Variants in RFPL2 observed in about 807,000 individuals in gnomAD.
RFPL2 encodes ret finger protein-like 2.
A neutral mutation model predicts 17.8 loss-of-function variants in RFPL2; 13 were observed. That is an observed-to-expected ratio of 0.73 (90% CI 0.47 to 1.16). RFPL2 has a LOEUF of 1.16. RFPL2 is among the 50% of genes most tolerant of loss of function. The probability of loss-of-function intolerance (pLI) is 0.00; values close to 1 mark genes in which losing one functional copy is unlikely to be tolerated. For missense variants in RFPL2, 431 were observed against 479.3 expected (o/e 0.90, Z 0.94); for synonymous variants, 189 against 180.9 (o/e 1.04, Z -0.36).
intron 2 of RFPL2, 149 bp from the exon 3 acceptor site, chr22:32,194,639 T>G (rs1923130591): frequency 5.3e-6 from 4 of 750,450 alleles, no homozygotes; most frequent in Admixed American, 5.7e-5. Context: ...TTAGGCTTAA[T>G]GTACTAACTT....
At chr22:32,193,433 C>G in intron 3 of RFPL2, 1 of 1,476,324 alleles carries the variant, frequency 6.8e-7, no homozygotes, top group Non-Finnish European at 9.0e-7. Flanking sequence ...GAGGAAGCGT[C>G]CATTCTCCTG....
intron 2 of RFPL2, among the ~76,000 whole-genome samples, chr22:32,201,641 C>G (rs953722188): frequency 6.6e-6 from 1 of 152,170 alleles, no homozygotes; most frequent in African/African-American, 2.4e-5. Context: ...TCCTGGGTCT[C>G]GGGTGGAAAA....
intron 2 of RFPL2, chr22:32,199,969 G>A (rs144927711): frequency 0.026 from 14,077 of 536,272 alleles, 286 homozygotes; most frequent in Admixed American, 0.068. Context: ...CTCCTCTGAG[G>A]AGCTCCAAGC....
intron 1 of RFPL2, 181 bp from the exon 2 acceptor site, chr22:32,202,731 G>T: frequency 1.7e-6 from 2 of 1,199,846 alleles, no homozygotes; most frequent in Non-Finnish European, 2.1e-6. Flanking sequence ...ACAGTGCCCG[G>T]GCTTCCCACT....
chr22:32,190,845 C>T lies in RFPL2; in HGVS notation c.1064G>A (p.Gly355Asp). Residue 355 changes from glycine (G) to aspartate (D), a missense_variant, in exon 5 of 5, where the codon GGT becomes GAT. Gly to Asp is a moderately conservative substitution (Grantham distance 94). Coordinates refer to ENST00000652607, the MANE Select transcript of RFPL2 (RefSeq NM_001394555.1). ...CATCAAAGGACAGATGCTCAAGACA[C>T]CTTGATCACCATTAGGTGGAACTGA... ...APSVPPNGDQ[G>D]VLSICPLMNS... 6.4e-7 allele frequency: 1 copy of T among 1,574,720 alleles called. No individual in the cohort carries two copies. Among genetic ancestry groups the T allele is most frequent in the Non-Finnish European group, 8.6e-7 (1 of 1,159,586 alleles).
rs1054234754 is a variant in RFPL2, at chr22:32,202,446, C to G, written c.6G>C (p.Glu2Asp). ...TCTCTGGGAAGCCTAATTCAGCCACCTCCATCGGAGGCAAATCATGGTGCC... is the reference window on the plus strand; with the variant it reads ...TCTCTGGGAAGCCTAATTCAGCCACGTCCATCGGAGGCAAATCATGGTGCC... M[E>D]VAELGFPETA... Residue 2 changes from glutamate (E) to aspartate (D), a missense_variant, in exon 2 of 5, where the codon GAG becomes GAC. By Grantham distance (45) the Glu-to-Asp change is conservative. Coordinates refer to ENST00000652607, the MANE Select transcript of RFPL2 (RefSeq NM_001394555.1). The G allele has an allele frequency of 6.3e-7, 1 of 1,590,706 alleles. No homozygotes were observed.
intron 2 of RFPL2, among the ~76,000 whole-genome samples, chr22:32,195,411 T>C (rs867345531): frequency 1.3e-5 from 2 of 152,328 alleles, no homozygotes; most frequent in Middle Eastern, 3.4e-3. Flanking sequence ...GCATGTATAA[T>C]AATCAAGTCA....
At chr22:32,203,087 C>G in intron 1 of RFPL2, 4 of 985,844 alleles carry the variant, frequency 4.1e-6, no homozygotes, top group Non-Finnish European at 4.8e-6. Context: ...CTGTCACTGA[C>G]ACCTCCACCG....
rs1335332915 is a variant in RFPL2 at position 32,191,757 on chromosome 22, A to G, written c.557-405T>C. On this transcript the variant is annotated intron_variant, in intron 4 of 4. Coordinates refer to ENST00000652607, the MANE Select transcript of RFPL2 (RefSeq NM_001394555.1). ...ATTTTTTTGCTTCAATTTAAATAGT[A>G]TCTAGAGCATGAGTCCAGGCCTTTG... Among the ~76,000 whole-genome samples the G allele has an allele frequency of 3.3e-5, 5 of 152,344 alleles. No individual in the cohort carries two copies. The South Asian group carries it at 1.0e-3, about 32-fold the overall frequency.
chr22:32,200,652 C>A (rs1041214201), intron 2 of RFPL2, among the ~76,000 whole-genome samples: 4 of 152,110 alleles, frequency 2.6e-5, no homozygotes, highest in African/African-American at 7.2e-5. Flanking sequence ...GCTGAACCTT[C>A]AGATGCACCC....
intron 4 of RFPL2, among the ~76,000 whole-genome samples, 166 bp from the exon 5 acceptor site, chr22:32,191,518 A>G (rs1467357696): frequency 6.6e-6 from 1 of 152,216 alleles, no homozygotes; most frequent in Non-Finnish European, 1.5e-5. Context: ...TCAAATTCTC[A>G]TAGGTATGCT....
intron 1 of RFPL2, chr22:32,202,865 C>T (rs1924085594): frequency 9.6e-7 from 1 of 1,046,358 alleles, no homozygotes; most frequent in African/African-American, 1.7e-5. Context: ...CCTCCACCCA[C>T]AGGGCCCTGT....
At position 32,191,041 on chromosome 22, in the gene RFPL2, T is replaced by C. The variant is rs779054178; in HGVS notation, c.868A>G (p.Thr290Ala). The change falls in exon 5 of 5, where the codon ACC (threonine) becomes GCC (alanine). Residue 290 changes from threonine (T) to alanine (A), a missense_variant. Thr to Ala is a moderately conservative substitution (Grantham distance 58). Transcript: ENST00000652607. ...AAGAGGAAAGTCAGCGGCACCGTGG[T>C]GGCAGAGAGGCGGCCTCCATCCCTC... is the stretch of plus-strand genomic sequence containing the variant. ...SLRDGGRLSA[T>A]TVPLTFLFVD... is the part of the protein sequence containing the mutation. 8.7e-6 allele frequency: 14 copies of C among 1,613,966 alleles called. No homozygotes were observed. In the South Asian group the frequency reaches 1.1e-4, roughly 13 times the overall value.
intron 2 of RFPL2, among the ~76,000 whole-genome samples, chr22:32,198,660 G>T (rs147137731): frequency 6.6e-6 from 1 of 151,872 alleles, no homozygotes; most frequent in Non-Finnish European, 1.5e-5. Flanking sequence ...TCTGTATCTC[G>T]TGTTGGCTTG....
intron 3 of RFPL2, 24 bp from the exon 4 acceptor site, chr22:32,193,216 G>C: frequency 1.9e-6 from 3 of 1,613,944 alleles, no homozygotes; most frequent in Non-Finnish European, 2.5e-6. Context: ...AGTACACAAG[G>C]TAAAAAAATT....
At chr22:32,192,369 T>C (rs1922756318) in intron 4 of RFPL2, among the ~76,000 whole-genome samples, 1 of 152,210 alleles carries the variant, frequency 6.6e-6, no homozygotes, top group African/African-American at 2.4e-5. Context: ...AGGAGAACAC[T>C]GTCTGAAACT....
chr22:32,198,731 C>T (rs1006432474), intron 2 of RFPL2, among the ~76,000 whole-genome samples: 2 of 152,032 alleles, frequency 1.3e-5, no homozygotes, highest in Admixed American at 6.5e-5. Context: ...GCAAAGACCT[C>T]TCCCCTCCCT....
At chr22:32,200,175 C>T (rs113074910) in intron 2 of RFPL2, 58 of 380,910 alleles carry the variant, frequency 1.5e-4, no homozygotes, top group African/African-American at 7.0e-4. Context: ...CTACAGCTGC[C>T]GGGTCACACA....
intron 2 of RFPL2, 46 bp from the exon 3 acceptor site, chr22:32,194,536 A>C: frequency 6.5e-7 from 1 of 1,535,808 alleles, no homozygotes; most frequent in East Asian, 2.3e-5. Context: ...CTGGTGATAT[A>C]TCTCCAGTTA....
Sources: allele counts gnomAD v4.1 joint callset (sites outside exome capture counted in the v4.1 genomes callset), GRCh38; gene constraint gnomAD v4.1.1; transcripts MANE v1.5; gene names NCBI Gene and HGNC (gene_info 2026-07-23, HGNC 2026-07-21).